The following STAG1 variants were observed in gnomAD, a reference collection of about 807,000 sequenced individuals.
STAG1 encodes the protein STAG1 cohesin complex component.
In STAG1, 26 loss-of-function variants were observed where a neutral mutation model predicts 170.9. The ratio of observed to expected loss-of-function variants is 0.15; its 90% CI spans 0.11 to 0.21. The LOEUF is 0.21. Ranked by LOEUF, STAG1 falls within the 10% of genes least tolerant of loss-of-function variation. STAG1 has a pLI of 1.00. For synonymous variants in STAG1, 514 were observed against 497.7 expected (o/e 1.03, Z -0.44); for missense variants, 964 against 1,509.5 (o/e 0.64, Z 5.99).
chr3:136,693,576 C>T (rs1456024443), intron 1 of STAG1, among the ~76,000 whole-genome samples: 1 of 152,036 alleles, frequency 6.6e-6, no homozygotes, highest in East Asian at 1.9e-4. Flanking sequence ...ACAGTTGTGC[C>T]ACGTAGAGCC....
chr3:136,649,982 T>C (rs1941158937), intron 1 of STAG1, among the ~76,000 whole-genome samples: 3 of 152,168 alleles, frequency 2.0e-5, no homozygotes, highest in Non-Finnish European at 4.4e-5. Context: ...TCAGCCAAGA[T>C]GGTCTTGATC....
chr3:136,715,745 A>C (rs1232552166), intron 1 of STAG1, among the ~76,000 whole-genome samples: 1 of 152,224 alleles, frequency 6.6e-6, no homozygotes, highest in Non-Finnish European at 1.5e-5. Context: ...AACCTACCAG[A>C]CATTATCAAT....
chr3:136,431,314 C>T (rs1322889976), intron 16 of STAG1, among the ~76,000 whole-genome samples: 5 of 152,016 alleles, frequency 3.3e-5, no homozygotes, highest in Non-Finnish European at 7.4e-5. Flanking sequence ...ACTCTGTTGC[C>T]CAGGCTGGAG....
intron 1 of STAG1, among the ~76,000 whole-genome samples, chr3:136,714,955 A>AT (rs1283910437): frequency 8.8e-5 from 6 of 68,220 alleles, no homozygotes; most frequent in East Asian, 4.4e-4. Flanking sequence ...ATATATATAT[A>AT]TATATATATT....
chr3:136,645,799 G>C (rs112063043), intron 1 of STAG1, among the ~76,000 whole-genome samples: 177 of 152,150 alleles, frequency 1.2e-3, no homozygotes, highest in African/African-American at 2.5e-3. Context: ...ATATACCACC[G>C]TTTAATCTTC....
At chr3:136,593,706 CAA>C (rs1264568572) in intron 4 of STAG1, among the ~76,000 whole-genome samples, 8 of 152,162 alleles carry the variant, frequency 5.3e-5, no homozygotes, top group African/African-American at 1.9e-4. Context: ...TATCTTCAGG[CAA>C]AGACTCTAAA....
At chr3:136,664,321 C>T (rs960523548) in intron 1 of STAG1, among the ~76,000 whole-genome samples, 3 of 152,104 alleles carry the variant, frequency 2.0e-5, no homozygotes, top group African/African-American at 7.2e-5. Flanking sequence ...GAACATAGTG[C>T]ATAAAAGTTT....
intron 1 of STAG1, among the ~76,000 whole-genome samples, chr3:136,704,511 T>A (rs891575982): frequency 1.3e-5 from 2 of 151,950 alleles, no homozygotes; most frequent in African/African-American, 2.4e-5. Flanking sequence ...ACAAAGCAGA[T>A]TATAAATCAA....
chr3:136,573,077 T>C (rs1937329140), intron 4 of STAG1, among the ~76,000 whole-genome samples: 1 of 151,778 alleles, frequency 6.6e-6, no homozygotes, highest in Non-Finnish European at 1.5e-5. Flanking sequence ...TACTCAGTAG[T>C]CTGAGGTGGG....
intron 3 of STAG1, 98 bp from the exon 4 acceptor site, chr3:136,604,571 G>T: frequency 1.9e-6 from 2 of 1,080,258 alleles, no homozygotes; most frequent in Non-Finnish European, 1.2e-6. Flanking sequence ...CTAACCAAAA[G>T]AAACTTTAAA....
chr3:136,671,040 T>C lies in STAG1; in HGVS notation c.-83-40059A>G, dbSNP rs1941965277. ...TGACTCACGCCTGTAATCCCAGCAC[T>C]TTGGGAGGCCGAGGCGGGCAGATCA... On this transcript the variant is annotated intron_variant, in intron 1 of 33. Transcript: ENST00000383202. Among the ~76,000 whole-genome samples, 3 of 152,138 alleles carry C rather than the reference T, an allele frequency of 2.0e-5. No homozygotes were observed. The South Asian group carries it at 6.2e-4, about 31-fold the overall frequency.
chr3:136,370,325 C>T (rs2108296186), intron 23 of STAG1, among the ~76,000 whole-genome samples: 1 of 151,850 alleles, frequency 6.6e-6, no homozygotes, highest in East Asian at 1.9e-4. Flanking sequence ...CTTTGTAGGC[C>T]TAGGCTAATG....
At chr3:136,568,391 G>A (rs1285907236) in intron 5 of STAG1, among the ~76,000 whole-genome samples, 1 of 152,088 alleles carries the variant, frequency 6.6e-6, no homozygotes, top group African/African-American at 2.4e-5. Flanking sequence ...CGAAATACTG[G>A]CAGGGATATA....
intron 16 of STAG1, among the ~76,000 whole-genome samples, chr3:136,428,323 C>G (rs1269201375): frequency 6.6e-6 from 1 of 152,070 alleles, no homozygotes; most frequent in East Asian, 1.9e-4. Context: ...CAACAAGGAC[C>G]CCTTTTCTGG....
intron 1 of STAG1, among the ~76,000 whole-genome samples, chr3:136,704,459 A>G (rs1943169329): frequency 6.6e-6 from 1 of 152,202 alleles, no homozygotes; most frequent in Admixed American, 6.5e-5. Context: ...TATCATGCAA[A>G]CAGTAACCAA....
rs995846478 is a variant in STAG1 at position 136,457,533 on chromosome 3, C to G, written c.1314-5386G>C. ...TCCCAGAGCTCGGGGCCTTCGCAGC[C>G]TCCATACCAGCGTTGGCCCCCTGGA... is the stretch of plus-strand genomic sequence containing the variant. On this transcript the variant is annotated intron_variant, in intron 13 of 33. Transcript: ENST00000383202. Among the ~76,000 whole-genome samples, 3 of 152,276 alleles carry G rather than the reference C, an allele frequency of 2.0e-5. No homozygotes were observed. The South Asian group carries it at 6.2e-4, about 32-fold the overall frequency.
At chr3:136,721,404 T>C (rs1365352348) in intron 1 of STAG1, 1 of 152,238 alleles carries the variant, frequency 6.6e-6, no homozygotes, top group East Asian at 1.9e-4. Flanking sequence ...GAATATCTAA[T>C]ACTCTTTTTA....
intron 1 of STAG1, among the ~76,000 whole-genome samples, chr3:136,665,240 T>G (rs763861099): frequency 6.6e-6 from 1 of 152,206 alleles, no homozygotes; most frequent in Non-Finnish European, 1.5e-5. Flanking sequence ...GATATTGAAC[T>G]GTTATACAAT....
chr3:136,498,075 C>A (rs1002863816), intron 9 of STAG1, among the ~76,000 whole-genome samples: 1 of 149,062 alleles, frequency 6.7e-6, no homozygotes, highest in South Asian at 2.1e-4. Context: ...GCCTGTAATC[C>A]CAGCTACTTG....
Sources: gnomAD v4.1 joint callset for allele counts (sites outside exome capture counted in the v4.1 genomes callset) on GRCh38, gnomAD v4.1.1 for gene constraint, MANE v1.5 for transcripts, NCBI Gene and HGNC (gene_info 2026-07-23, HGNC 2026-07-21) for gene names.